The following UNC13C variants were observed in gnomAD, a reference collection of about 807,000 sequenced individuals.
UNC13C encodes the protein protein unc-13 homolog C.
In UNC13C, 174 loss-of-function variants were observed where a neutral mutation model predicts 245.4. The ratio of observed to expected loss-of-function variants is 0.71; its 90% CI spans 0.63 to 0.80. UNC13C has a LOEUF of 0.80. Ranked by LOEUF, UNC13C falls within the 30% of genes least tolerant of loss-of-function variation. The pLI is 0.00. For synonymous variants in UNC13C, 992 were observed against 895.1 expected (o/e 1.11, Z -1.93); for missense variants, 2,829 against 2,602.9 (o/e 1.09, Z -1.89).
At chr15:54,236,528 G>T (rs2035705452) in intron 6 of UNC13C, 93 bp downstream of exon 6, 2 of 933,806 alleles carry the variant, frequency 2.1e-6, no homozygotes, top group Non-Finnish European at 3.2e-6. Context: ...CAAGAATGGA[G>T]AAATGAAAAG....
chr15:54,601,078 G>T (rs956590724), intron 30 of UNC13C, among the ~76,000 whole-genome samples: 1 of 152,186 alleles, frequency 6.6e-6, no homozygotes, highest in African/African-American at 2.4e-5. Context: ...GCCACATGCA[G>T]CCTGTGGCTT....
chr15:54,097,935 A>G (rs1244267390), intron 2 of UNC13C, among the ~76,000 whole-genome samples: 1 of 152,216 alleles, frequency 6.6e-6, no homozygotes, highest in Non-Finnish European at 1.5e-5. Flanking sequence ...TCTTGAAGAG[A>G]CATTTCATGT....
chr15:54,205,564 A>C (rs1054924228), intron 4 of UNC13C, among the ~76,000 whole-genome samples: 1 of 151,994 alleles, frequency 6.6e-6, no homozygotes, highest in African/African-American at 2.4e-5. Flanking sequence ...GTTTATTATA[A>C]CCATAGTAAT....
intron 13 of UNC13C, among the ~76,000 whole-genome samples, chr15:54,304,435 A>G (rs1396589166): frequency 6.6e-6 from 1 of 152,004 alleles, no homozygotes; most frequent in Non-Finnish European, 1.5e-5. Context: ...TTCTTTTAGC[A>G]CTGAATACTT....
chr15:54,516,140 C>T (rs1416804464), intron 24 of UNC13C, among the ~76,000 whole-genome samples: 2 of 152,140 alleles, frequency 1.3e-5, no homozygotes, highest in Non-Finnish European at 2.9e-5. Context: ...ATTGTAATAC[C>T]TATTAGCCAC....
chr15:53,928,877 G>C, the UNC13C span, among the ~76,000 whole-genome samples: 6 of 152,322 alleles, frequency 3.9e-5, no homozygotes, highest in Middle Eastern at 3.4e-3. Context: ...TGTTCTTTAT[G>C]TTCTCTTTGG....
chr15:54,059,483 G>C (rs1483978422), intron 2 of UNC13C, among the ~76,000 whole-genome samples: 2 of 152,228 alleles, frequency 1.3e-5, no homozygotes, highest in East Asian at 3.9e-4. Flanking sequence ...ACAAATGGAA[G>C]AACATTCCAT....
chr15:54,096,114 TG>T (rs1899848564), intron 2 of UNC13C, among the ~76,000 whole-genome samples: 1 of 152,202 alleles, frequency 6.6e-6, no homozygotes, highest in African/African-American at 2.4e-5. Flanking sequence ...AATTGGAGTT[TG>T]AACTTCATTT....
chr15:54,553,409 GTAATATATAATATTATATA>G (rs1183947238), intron 28 of UNC13C, among the ~76,000 whole-genome samples: 61 of 119,252 alleles, frequency 5.1e-4, no homozygotes, highest in African/African-American at 1.9e-3. Flanking sequence ...ATTATATATT[GTAATATATAATATTATATA>G]TAATATATAA....
the UNC13C span, among the ~76,000 whole-genome samples, chr15:53,843,656 T>C: frequency 1.3e-5 from 2 of 152,046 alleles, no homozygotes; most frequent in Non-Finnish European, 2.9e-5. Flanking sequence ...AAAGAGCCCA[T>C]GAAGAAGACT....
At chr15:54,122,357 G>C (rs1049079997) in intron 2 of UNC13C, among the ~76,000 whole-genome samples, 1 of 151,952 alleles carries the variant, frequency 6.6e-6, no homozygotes, top group East Asian at 1.9e-4. Flanking sequence ...TTTGGTAGTT[G>C]TGAATAAATG....
intron 1 of UNC13C, among the ~76,000 whole-genome samples, chr15:54,005,219 G>C (rs796160047): frequency 1.7e-4 from 26 of 152,270 alleles, no homozygotes; most frequent in African/African-American, 5.3e-4. Context: ...TTAAATAAAA[G>C]AAATAAAGCT....
chr15:54,547,123 CA>C (rs200680490), intron 27 of UNC13C, among the ~76,000 whole-genome samples: 2,241 of 152,212 alleles, frequency 0.015, 27 homozygotes, highest in Non-Finnish European at 0.024. Context: ...TTTACACATA[CA>C]ATTTTTATTT....
chr15:53,846,380 A>G, the UNC13C span, among the ~76,000 whole-genome samples: 1 of 152,176 alleles, frequency 6.6e-6, no homozygotes, highest in Non-Finnish European at 1.5e-5. Context: ...TTTTTAAAAA[A>G]TTTGTCTGCA....
chr15:54,203,843 TATACAC>T (rs1233097458), intron 4 of UNC13C, among the ~76,000 whole-genome samples: 1 of 98,350 alleles, frequency 1.0e-5, no homozygotes, highest in African/African-American at 3.2e-5. Flanking sequence ...TACACATACA[TATACAC>T]GTATATATAC....
At chr15:53,926,075 C>A in the UNC13C span, among the ~76,000 whole-genome samples, 16 of 151,858 alleles carry the variant, frequency 1.1e-4, no homozygotes, top group Non-Finnish European at 5.9e-5. Flanking sequence ...AGGAGCAATA[C>A]TATTCTTGTT....
chr15:54,460,695 G>A (rs191098908), intron 19 of UNC13C, among the ~76,000 whole-genome samples: 2 of 152,344 alleles, frequency 1.3e-5, no homozygotes, highest in East Asian at 3.9e-4. Context: ...TTGTCTTGCA[G>A]CATTTGCAGT....
At chr15:54,257,550 G>A (rs2036310909) in intron 8 of UNC13C, among the ~76,000 whole-genome samples, 1 of 152,166 alleles carries the variant, frequency 6.6e-6, no homozygotes, top group Admixed American at 6.5e-5. Context: ...TTGGTGCCAG[G>A]CTTCCTGACA....
chr15:54,438,396 A>G (rs1890336635), intron 19 of UNC13C, among the ~76,000 whole-genome samples: 1 of 152,004 alleles, frequency 6.6e-6, no homozygotes. Flanking sequence ...CATTTTAAAC[A>G]TTGAATTCTT....
Sources: gnomAD v4.1 joint callset for allele counts (sites outside exome capture counted in the v4.1 genomes callset) on GRCh38, gnomAD v4.1.1 for gene constraint, MANE v1.5 for transcripts, NCBI Gene and HGNC (gene_info 2026-07-23, HGNC 2026-07-21) for gene names.